MAGED1: variants seen among roughly 807,000 people sequenced by gnomAD.
The protein encoded by MAGED1 is MAGE family member D1.
In MAGED1, 3 loss-of-function variants were observed where a neutral mutation model predicts 54.1. That is an observed-to-expected ratio of 0.06 (90% CI 0.03 to 0.14). MAGED1 has a LOEUF of 0.14. Among genes scored for constraint, MAGED1 ranks in the 10% least tolerant of loss-of-function variants. The probability of loss-of-function intolerance (pLI) is 1.00; values close to 1 mark genes in which losing one functional copy is unlikely to be tolerated. For missense variants in MAGED1, 485 were observed against 623.4 expected (o/e 0.78, Z 2.36); for synonymous variants, 217 against 227.3 (o/e 0.95, Z 0.41).
At chrX:51,816,101 G>A (rs782016954) in intron 1 of MAGED1, among the ~76,000 whole-genome samples, 8 of 108,754 alleles carry the variant, frequency 7.4e-5, no homozygotes, top group Non-Finnish European at 1.5e-4. Context: ...CCCAGTACAA[G>A]TGTACCATAT....
intron 1 of MAGED1, among the ~76,000 whole-genome samples, chrX:51,869,446 C>T: frequency 8.9e-6 from 1 of 111,745 alleles, no homozygotes; most frequent in Non-Finnish European, 1.9e-5. Context: ...TAAAGAGATA[C>T]CTGAGACTGG....
chrX:51,862,149 G>A (rs940837133), intron 1 of MAGED1, among the ~76,000 whole-genome samples: 1 of 111,084 alleles, frequency 9.0e-6, no homozygotes, highest in Non-Finnish European at 1.9e-5. Context: ...GATGATGTGT[G>A]GATATTTGTA....
chrX:51,839,505 T>C (rs1926376304), intron 1 of MAGED1, among the ~76,000 whole-genome samples: 3 of 111,998 alleles, frequency 2.7e-5, no homozygotes, highest in African/African-American at 9.7e-5. Context: ...GAAAACTGTT[T>C]TATAAGAAAA....
intron 4 of MAGED1, 35 bp downstream of exon 4, chrX:51,897,112 C>T (rs1462921432): frequency 8.3e-7 from 1 of 1,199,490 alleles, no homozygotes; most frequent in Non-Finnish European, 1.1e-6. Flanking sequence ...CTTTTCCCCT[C>T]TCTTGCTCTT....
At chrX:51,884,063 AAG>A (rs1557362676) in intron 1 of MAGED1, among the ~76,000 whole-genome samples, 1 of 111,507 alleles carries the variant, frequency 9.0e-6, no homozygotes, top group Admixed American at 9.5e-5. Flanking sequence ...GTAATCACAG[AAG>A]AGAGAGAGAA....
At chrX:51,848,450 T>C (rs943448018) in intron 1 of MAGED1, among the ~76,000 whole-genome samples, 1 of 111,427 alleles carries the variant, frequency 9.0e-6, no homozygotes, top group East Asian at 2.8e-4. Flanking sequence ...TGACGGTGCA[T>C]GTGAAGTGTT....
At chrX:51,879,086 CTTTATG>C (rs1927969959) in intron 1 of MAGED1, among the ~76,000 whole-genome samples, 1 of 111,739 alleles carries the variant, frequency 8.9e-6, no homozygotes. Context: ...TTTGCTGTAT[CTTTATG>C]TTTAAGATAT....
intron 1 of MAGED1, among the ~76,000 whole-genome samples, chrX:51,869,911 G>A (rs782323545): frequency 2.7e-5 from 3 of 111,056 alleles, no homozygotes; most frequent in East Asian, 2.9e-4. Context: ...TTGCCCTGGC[G>A]CCCAGGCTGG....
At chrX:51,811,151 T>C (rs1224540000) in intron 1 of MAGED1, among the ~76,000 whole-genome samples, 1 of 111,771 alleles carries the variant, frequency 8.9e-6, no homozygotes, top group Non-Finnish European at 1.9e-5. Flanking sequence ...ATTATTTTGC[T>C]TTATACGTGT....
At chrX:51,825,396 C>T (rs1441611605) in intron 1 of MAGED1, among the ~76,000 whole-genome samples, 1 of 112,183 alleles carries the variant, frequency 8.9e-6, no homozygotes, top group African/African-American at 3.2e-5. Flanking sequence ...ATTCTAGAAT[C>T]AGGCAACACT....
At chrX:51,821,348 C>T (rs1217995836) in intron 1 of MAGED1, among the ~76,000 whole-genome samples, 1 of 110,764 alleles carries the variant, frequency 9.0e-6, no homozygotes, top group Admixed American at 9.7e-5. Context: ...TTGTCTTTTT[C>T]GTGATTTTAG....
At chrX:51,875,799 C>G (rs1927845258) in intron 1 of MAGED1, among the ~76,000 whole-genome samples, 1 of 111,527 alleles carries the variant, frequency 9.0e-6, no homozygotes, top group African/African-American at 3.3e-5. Context: ...CCATATATTA[C>G]AAGGATAACT....
At chrX:51,894,769 C>T in intron 2 of MAGED1, 1 of 1,150,918 alleles carries the variant, frequency 8.7e-7, no homozygotes, top group East Asian at 3.0e-5. Flanking sequence ...TGCTACTGCA[C>T]GCCTCTTGGA....
chrX:51,865,662 A>G (rs1927437747), intron 1 of MAGED1, among the ~76,000 whole-genome samples: 1 of 111,196 alleles, frequency 9.0e-6, no homozygotes, highest in South Asian at 3.8e-4. Flanking sequence ...CTTGCACTTA[A>G]TTTTCTAGTC....
chrX:51,815,646 C>T (rs993536547), intron 1 of MAGED1, among the ~76,000 whole-genome samples: 14 of 109,133 alleles, frequency 1.3e-4, no homozygotes, highest in East Asian at 2.9e-4. Flanking sequence ...CCTCAGCCTC[C>T]GGAGTTCTGG....
chrX:51,810,436 C>T (rs1176649666), intron 1 of MAGED1, among the ~76,000 whole-genome samples: 2 of 111,958 alleles, frequency 1.8e-5, no homozygotes, highest in African/African-American at 6.5e-5. Context: ...ATTGAAAATT[C>T]GCTAAACATG....
intron 1 of MAGED1, among the ~76,000 whole-genome samples, chrX:51,811,158 G>A (rs12392286): frequency 0.13 from 14,571 of 110,804 alleles, 810 homozygotes; most frequent in Non-Finnish European, 0.18. Context: ...TGCTTTATAC[G>A]TGTTAAGAAT....
intron 1 of MAGED1, among the ~76,000 whole-genome samples, chrX:51,814,115 C>T (rs1192944103): frequency 9.0e-6 from 1 of 110,689 alleles, no homozygotes; most frequent in Admixed American, 9.6e-5. Flanking sequence ...ATTGGGTGGT[C>T]GCTCTTGAGA....
intron 1 of MAGED1, among the ~76,000 whole-genome samples, chrX:51,868,375 A>C (rs1441512258): frequency 9.0e-6 from 1 of 111,308 alleles, no homozygotes; most frequent in Admixed American, 9.6e-5. Flanking sequence ...TCAGGGAATG[A>C]GCACCACAAG....
Sources: allele counts gnomAD v4.1 joint callset (sites outside exome capture counted in the v4.1 genomes callset), GRCh38; gene constraint gnomAD v4.1.1; transcripts MANE v1.5; gene names NCBI Gene and HGNC (gene_info 2026-07-23, HGNC 2026-07-21).